RIMBP2: variants seen among roughly 807,000 people sequenced by gnomAD.
RIMBP2 encodes the protein RIMS-binding protein 2.
RIMBP2 carries 48 observed loss-of-function variants against 118.6 expected under a neutral mutation model. The ratio of observed to expected loss-of-function variants is 0.40; its 90% confidence interval spans 0.32 to 0.51. RIMBP2 has a LOEUF of 0.51. Among genes scored for constraint, RIMBP2 ranks in the 20% least tolerant of loss-of-function variants. The probability of loss-of-function intolerance (pLI) is 0.41; values close to 1 mark genes in which losing one functional copy is unlikely to be tolerated. For missense variants in RIMBP2, 1,551 were observed against 1,768.3 expected (o/e 0.88, Z 2.20); for synonymous variants, 762 against 742.9 (o/e 1.03, Z -0.42).
intron 1 of RIMBP2, among the ~76,000 whole-genome samples, chr12:130,638,582 T>C (rs757271004): frequency 2.6e-5 from 4 of 152,154 alleles, no homozygotes; most frequent in South Asian, 2.1e-4. Context: ...GAACTATGCA[T>C]GCGAGGGATC....
Position 130,428,224 on chromosome 12 carries a change from A to G in RIMBP2, c.2367T>C (p.Asp789=), listed in dbSNP as rs2136880166. The G allele has an allele frequency of 1.2e-6, 2 of 1,613,050 alleles. No homozygotes were observed. The highest frequency in any genetic ancestry group is 1.7e-6 in the Non-Finnish European group (2 of 1,179,578). Residue 789 remains aspartate, a synonymous_variant, in exon 15 of 23, where the codon GAT becomes GAC. Transcript: ENST00000690449. ...EELYSEMQLE[D]GGRRRPSGTS... ...TGCCGCTGGGCCGCCTCCTTCCCCCATCTTCCAGCTGCATTTCAGAATACA... is the reference window on the plus strand; with the variant it reads ...TGCCGCTGGGCCGCCTCCTTCCCCCGTCTTCCAGCTGCATTTCAGAATACA...
rs1487563572 is a variant in RIMBP2, at chr12:130,419,696, A to C, written c.3238+2757T>G. 1 of 152,260 alleles carries C rather than the reference A, an allele frequency of 6.6e-6. No individual in the cohort carries two copies. Among genetic ancestry groups the C allele is most frequent in the Non-Finnish European group, 1.5e-5 (1 of 68,046 alleles). The allele number at this position is 152,260 out of a possible 1,614,324, so 9.4% of individuals were successfully genotyped here. A position where few individuals can be genotyped will look rare whatever the true frequency, so the allele number is the denominator to read the frequency against. ...GTAGGCTCAGTAGCCAAAATAACAA[A>C]AAATGGGAGAATACAGAGGAGATAT... On this transcript the variant is annotated intron_variant, in intron 17 of 22. Coordinates refer to ENST00000690449, the MANE Select transcript of RIMBP2 (RefSeq NM_001393629.1). This position sits in a 1 kb window ranked among gnomAD's most constrained non-coding sequence, Gnocchi z 4.3.
In RIMBP2 at chr12:130,442,663, G is replaced by T; in HGVS notation, c.692-3C>A. The stretch of plus-strand genomic sequence containing the variant: ...CCTCTGGCCATCGAGGAGCTCTCCT[G>T]TTGGGTACAAGGACAGAGTTATCAC... On this transcript the variant is annotated splice_region_variant and splice_polypyrimidine_tract_variant and intron_variant, in intron 10 of 22. Transcript: ENST00000690449. This position sits in a 1 kb window ranked among gnomAD's most constrained non-coding sequence, Gnocchi z 6.9. The T allele has an allele frequency of 6.2e-7, 1 of 1,612,050 alleles. No homozygotes were observed. The highest frequency in any genetic ancestry group is 1.1e-5 in the South Asian group (1 of 90,628).
chr12:130,445,752 T>C (rs905845751), intron 9 of RIMBP2, among the ~76,000 whole-genome samples: 2 of 152,234 alleles, frequency 1.3e-5, no homozygotes, highest in African/African-American at 4.8e-5. Context: ...GTCTTTTTAA[T>C]GGGTGTAGAG....
chr12:130,450,127 G>C lies in RIMBP2; in HGVS notation c.581+73C>G. On this transcript the variant is annotated intron_variant, in intron 9 of 22. Coordinates refer to ENST00000690449, the MANE Select transcript of RIMBP2 (RefSeq NM_001393629.1). The surrounding 1 kb of genome is among the most constrained non-coding windows in gnomAD (Gnocchi z 4.8). ...GGAGAAGGGAACTTCTCAGACCCCA[G>C]AGTGTTCCCAGACCCAACATCTCAT... The C allele has an allele frequency of 1.0e-6, 1 of 964,168 alleles. No homozygotes were observed. Among genetic ancestry groups the C allele is most frequent in the Non-Finnish European group, 1.6e-6 (1 of 616,264 alleles). 59.7% of individuals were successfully genotyped at this position (964,168 alleles called of 1,614,324 possible). A position where few individuals can be genotyped will look rare whatever the true frequency, so the allele number is the denominator to read the frequency against.
chr12:130,646,310 A>T (rs894403939), intron 1 of RIMBP2, among the ~76,000 whole-genome samples: 996 of 42,796 alleles, frequency 0.023, 258 homozygotes, highest in Admixed American at 0.056. Flanking sequence ...CACCTCCCTC[A>T]CCACTTCCCT....
chr12:130,703,472 C>T lies in RIMBP2; in HGVS notation c.-352+12750G>A, dbSNP rs769437728. The stretch of plus-strand genomic sequence containing the variant: ...TAAAAGCGTGGCACGGGCACTCCCT[C>T]GGCCACCCGCCTGCCCTCCCCAATC... On this transcript the variant is annotated intron_variant, in intron 1 of 22. Transcript: ENST00000690449. This position sits in a 1 kb window ranked among gnomAD's most constrained non-coding sequence, Gnocchi z 5.7. Among the ~76,000 whole-genome samples, 3 of 152,234 alleles carry T rather than the reference C, an allele frequency of 2.0e-5. No homozygotes were observed. The highest frequency in any genetic ancestry group is 6.5e-5 in the Admixed American group (1 of 15,282).
chr12:130,660,026 C>T (rs2063588874), intron 1 of RIMBP2: 1 of 140,160 alleles, frequency 7.1e-6, no homozygotes, highest in African/African-American at 2.5e-5. Flanking sequence ...TTTTCTTTTC[C>T]CGCACAGGGT....
rs373813494 is a variant in RIMBP2, at chr12:130,467,642, T to C, written c.153+3051A>G. Among the ~76,000 whole-genome samples the C allele has an allele frequency of 1.1e-4, 17 of 152,316 alleles. No homozygotes were observed. In the East Asian group the frequency reaches 3.3e-3, roughly 29 times the overall value. On this transcript the variant is annotated intron_variant, in intron 6 of 22. Transcript: ENST00000690449. The stretch of plus-strand genomic sequence containing the variant: ...CTCTATTGCAACATCCCTGTCTTAA[T>C]AAATTGGCTGTATCTAGGCAACGGG...
chr12:130,716,035 G>A (rs1950305123), intron 1 of RIMBP2, among the ~76,000 whole-genome samples, 187 bp downstream of exon 1: 1 of 152,026 alleles, frequency 6.6e-6, no homozygotes, highest in Admixed American at 6.5e-5. Flanking sequence ...GCGAGCCGCT[G>A]CTCCCCGCAC....
At chr12:130,629,357 A>T (rs1377995964) in intron 1 of RIMBP2, among the ~76,000 whole-genome samples, 1 of 152,230 alleles carries the variant, frequency 6.6e-6, no homozygotes, top group Non-Finnish European at 1.5e-5. Flanking sequence ...GTTAGGCCCA[A>T]GCATGAGTAA....
chr12:130,403,577 T>C (rs528013598), intron 21 of RIMBP2, among the ~76,000 whole-genome samples: 1 of 152,340 alleles, frequency 6.6e-6, no homozygotes, highest in Admixed American at 6.5e-5. Flanking sequence ...TTTGTGCAAC[T>C]GCAGTCTAAA....
At position 130,469,383 on chromosome 12, in the gene RIMBP2, AG is replaced by A. The variant is rs1243840592; in HGVS notation, c.153+1309del. On this transcript the variant is annotated intron_variant, in intron 6 of 22. Coordinates refer to ENST00000690449, the MANE Select transcript of RIMBP2 (RefSeq NM_001393629.1). The surrounding 1 kb of genome is among the most constrained non-coding windows in gnomAD (Gnocchi z 4.8). The stretch of plus-strand genomic sequence containing the variant: ...CCTCAGAGGCGGATTGAAGCCACAC[AG>A]GGTCATGTCAATGGGCTCCGGGGCA... 6.6e-6 allele frequency among the ~76,000 whole-genome samples: 1 copy of A among 152,168 alleles called. No homozygotes were observed. Among genetic ancestry groups the A allele is most frequent in the East Asian group, 1.9e-4 (1 of 5,176 alleles).
chr12:130,478,886 G>A (rs757499092), intron 5 of RIMBP2, 26 bp downstream of exon 5: 39 of 1,577,092 alleles, frequency 2.5e-5, no homozygotes, highest in Middle Eastern at 2.1e-4. Context: ...TGCCTCGCAC[G>A]CCGCGCCCGG....
intron 1 of RIMBP2, among the ~76,000 whole-genome samples, chr12:130,674,383 T>C (rs931018412): frequency 2.0e-5 from 3 of 152,180 alleles, no homozygotes; most frequent in African/African-American, 7.2e-5. Context: ...TTTACCGCAG[T>C]GTGAGAATGG....
intron 4 of RIMBP2, among the ~76,000 whole-genome samples, chr12:130,491,449 G>A (rs1165591510): frequency 6.6e-6 from 1 of 152,336 alleles, no homozygotes; most frequent in East Asian, 1.9e-4. Context: ...CTTCAAGGCA[G>A]TACACATGAG....
chr12:130,430,301 C>A (rs1313578315), intron 14 of RIMBP2: 3 of 152,224 alleles, frequency 2.0e-5, no homozygotes, highest in Non-Finnish European at 1.5e-5. Flanking sequence ...TGCCAGCAGG[C>A]AGATGGCCCT....
intron 1 of RIMBP2, among the ~76,000 whole-genome samples, chr12:130,711,816 G>A (rs1329911489): frequency 1.3e-5 from 2 of 152,208 alleles, no homozygotes; most frequent in Non-Finnish European, 2.9e-5. Flanking sequence ...GCCTCATTAG[G>A]TGATTTCGTC....
At chr12:130,527,180 A>T (rs7969996) in intron 2 of RIMBP2, among the ~76,000 whole-genome samples, 67,328 of 152,112 alleles carry the variant, frequency 0.44, 15,472 homozygotes, top group Admixed American at 0.51. Flanking sequence ...GAAAATTATT[A>T]AGCCTAAGTA....
Sources: allele counts gnomAD v4.1 joint callset (sites outside exome capture counted in the v4.1 genomes callset), GRCh38; gene constraint gnomAD v4.1.1; non-coding constraint Gnocchi (gnomAD v3.1); transcripts MANE v1.5; gene names NCBI Gene and HGNC (gene_info 2026-07-23, HGNC 2026-07-21).